WDR38: variants seen among roughly 807,000 people sequenced by gnomAD.
WDR38 encodes the protein WD repeat-containing protein 38.
A neutral mutation model predicts 36.6 loss-of-function variants in WDR38; 37 were observed. The ratio of observed to expected loss-of-function variants is 1.01; its 90% CI spans 0.78 to 1.33. WDR38 has a LOEUF of 1.33. WDR38 is among the 40% of genes most tolerant of loss of function. The probability of loss-of-function intolerance (pLI) is 0.00; values close to 1 mark genes in which losing one functional copy is unlikely to be tolerated. For synonymous variants in WDR38, 164 were observed against 168.1 expected, an observed-to-expected ratio of 0.98 and a Z score of 0.19; for missense variants, 411 against 414.6, an observed-to-expected ratio of 0.99 and a Z score of 0.07.
At chr9:124,855,308 G>A (rs1236620450) in intron 2 of WDR38, among the ~76,000 whole-genome samples, 1 of 152,212 alleles carries the variant, frequency 6.6e-6, no homozygotes, top group Non-Finnish European at 1.5e-5. Flanking sequence ...GGCAATTACA[G>A]GCAGTCTGGT....
rs1829047650 is a variant in WDR38 at position 124,855,928 on chromosome 9, G to A, written c.375G>A (p.Trp125Ter). ...PDSRQLASGG[W>*]DKRVMLWDVQ... ...CGAGACAGCTGGCATCAGGTGGCTG[G>A]GACAAGCGGGTGATGCTCTGGGATG... The change falls in exon 4 of 9, where the codon TGG becomes TGA. Residue 125 changes from tryptophan (W) to a stop codon, truncating the protein, a stop_gained. Coordinates refer to ENST00000373574, the MANE Select transcript of WDR38 (RefSeq NM_001045476.3). LOFTEE classifies it high-confidence loss of function. 3.7e-6 allele frequency: 6 copies of A among 1,614,102 alleles called. No individual in the cohort carries two copies. The highest frequency in any genetic ancestry group is 5.1e-6 in the Non-Finnish European group (6 of 1,179,930).
At position 124,855,692 on chromosome 9, in the gene WDR38, T is replaced by C; in HGVS notation, c.249T>C (p.Cys83=). The change falls in exon 3 of 9, where the codon TGT becomes TGC. Residue 83 remains cysteine (C), a synonymous_variant. Coordinates refer to ENST00000373574, the MANE Select transcript of WDR38 (RefSeq NM_001045476.3). The part of the protein sequence containing the change: ...PDGHLFASAS[C]DCTVRLWDVA... ...GCCACCTCTTCGCCAGCGCCTCCTG[T>C]GACTGCACTGTCCGCCTGTGGGATG... 3 of 1,613,342 alleles carry C rather than the reference T, an allele frequency of 1.9e-6. No homozygotes were observed. The highest frequency in any genetic ancestry group is 2.5e-6 in the Non-Finnish European group (3 of 1,180,032).
At position 124,855,691 on chromosome 9, in the gene WDR38, G is replaced by A; in HGVS notation, c.248G>A (p.Cys83Tyr). ...GGCCACCTCTTCGCCAGCGCCTCCT[G>A]TGACTGCACTGTCCGCCTGTGGGAT... ...PDGHLFASASCDCTVRLWDVA... is the reference protein window; with the variant it reads ...PDGHLFASASYDCTVRLWDVA... The change falls in exon 3 of 9, where the codon TGT becomes TAT. Residue 83 changes from cysteine (C) to tyrosine (Y), a missense_variant. Coordinates refer to ENST00000373574, the MANE Select transcript of WDR38 (RefSeq NM_001045476.3). The A allele has an allele frequency of 1.2e-6, 2 of 1,613,294 alleles. No individual in the cohort carries two copies. The highest frequency in any genetic ancestry group is 4.5e-5 in the East Asian group (2 of 44,886).
rs944952 is a variant in WDR38 at position 124,857,643 on chromosome 9, T to C, written c.*13T>C. 1,578,501 of 1,613,616 alleles carry C rather than the reference T, an allele frequency of 0.98. 773,866 individuals are homozygous for C. The highest frequency in any genetic ancestry group is 1 in the Non-Finnish European group (1,174,713 of 1,180,008). Reference sequence around the variant, plus strand: ...CCCTCAAACCTAACACCAACCACCTTAGATGGTGCCGACCTCACCCGCTCC... The same window carrying C: ...CCCTCAAACCTAACACCAACCACCTCAGATGGTGCCGACCTCACCCGCTCC... On this transcript the variant is annotated 3_prime_UTR_variant, in exon 9 of 9. Transcript: ENST00000373574.
chr9:124,854,448 A>G, intron 2 of WDR38, 123 bp downstream of exon 2: 2 of 1,460,626 alleles, frequency 1.4e-6, no homozygotes, highest in Non-Finnish European at 1.9e-6. Flanking sequence ...AGGTTGGGAG[A>G]TGGGACGAGA....
At position 124,857,429 on chromosome 9, in the gene WDR38, G is replaced by A. The variant is rs747710816; in HGVS notation, c.816+18G>A. 1.2e-5 allele frequency: 20 copies of A among 1,614,036 alleles called. No individual in the cohort carries two copies. The African/African-American group carries it at 2.3e-4, about 18-fold the overall frequency. ...CCCTGAAGGTAAGGCACGGCGCTGT[G>A]GCACTGAGGAAGCTGTGGACAGCTT... is the stretch of plus-strand genomic sequence containing the variant. On this transcript the variant is annotated intron_variant, in intron 8 of 8. Transcript: ENST00000373574.
chr9:124,857,254 G>C, intron 7 of WDR38, 110 bp from the exon 8 acceptor site: 1 of 1,415,868 alleles, frequency 7.1e-7, no homozygotes, highest in South Asian at 1.2e-5. Flanking sequence ...CTGAGGTCAG[G>C]AGTTCAGGCG....
Position 124,855,853 on chromosome 9 carries a change from G to A in WDR38, c.308-8G>A, listed in dbSNP as rs772113089. The stretch of plus-strand genomic sequence containing the variant: ...CCACCTTCCCCGACCCCGGGCTGGT[G>A]CCTGCAGGTCACCAACGGAGTGTGG... On this transcript the variant is annotated splice_polypyrimidine_tract_variant and splice_region_variant and intron_variant, in intron 3 of 8. Transcript: ENST00000373574. 22 of 1,614,000 alleles carry A rather than the reference G, an allele frequency of 1.4e-5. No individual in the cohort carries two copies. The highest frequency in any genetic ancestry group is 1.9e-5 in the Non-Finnish European group (22 of 1,180,048).
intron 3 of WDR38, 53 bp from the exon 4 acceptor site, chr9:124,855,808 T>C: frequency 6.2e-7 from 1 of 1,613,652 alleles, no homozygotes. Context: ...TGGTGCTGTG[T>C]CCTGTGTCAC....
chr9:124,855,485 C>G (rs1372351194), intron 2 of WDR38, 149 bp from the exon 3 acceptor site: 1 of 791,122 alleles, frequency 1.3e-6, no homozygotes, highest in African/African-American at 1.7e-5. Context: ...CCAGCCCAGG[C>G]CAAGGCATGG....
rs546571014 is a variant in WDR38 at position 124,855,660 on chromosome 9, CCT to C, written c.218_219del (p.Pro73ArgfsTer11). On this transcript the variant is annotated frameshift_variant, in exon 3 of 9. Coordinates refer to ENST00000373574, the MANE Select transcript of WDR38 (RefSeq NM_001045476.3). LOFTEE classifies it high-confidence loss of function. The part of the protein sequence containing the change: ...TGPVKFCRFS[P>X]DGHLFASASC... The stretch of plus-strand genomic sequence containing the variant: ...CCCCGTGAAGTTCTGCCGCTTCTCC[CCT>C]GATGGCCACCTCTTCGCCAGCGCCT... 433 of 1,612,274 alleles carry C rather than the reference CCT, an allele frequency of 2.7e-4. 1 individual carries two copies. In the African/African-American group the frequency reaches 2.7e-3, roughly 10 times the overall value.
chr9:124,857,421 G>T lies in WDR38; in HGVS notation c.816+10G>T. The T allele has an allele frequency of 1.2e-6, 2 of 1,614,118 alleles. No individual in the cohort carries two copies. Among genetic ancestry groups the T allele is most frequent in the Non-Finnish European group, 8.5e-7 (1 of 1,180,028 alleles). On this transcript the variant is annotated intron_variant, in intron 8 of 8. Transcript: ENST00000373574. ...CCTTGAGACCCTGAAGGTAAGGCAC[G>T]GCGCTGTGGCACTGAGGAAGCTGTG...
chr9:124,854,300 G>A lies in WDR38; in HGVS notation c.165G>A (p.Leu55=), dbSNP rs1447142936. The A allele has an allele frequency of 3.1e-6, 5 of 1,613,872 alleles. No individual in the cohort carries two copies. In the Admixed American group the frequency reaches 6.7e-5, roughly 22 times the overall value. The change falls in exon 2 of 9, where the codon CTG becomes CTA. Residue 55 remains leucine (L), a synonymous_variant. Transcript: ENST00000373574. ...GCTGGGAGACCCGGAGTGGGCAGCT[G>A]CTGTGGAGGCTGGGTGGCCACACAG... ...VYGWETRSGQ[L]LWRLGGHTGP...
At position 124,856,599 on chromosome 9, in the gene WDR38, TG is replaced by T; in HGVS notation, c.618+1del. On this transcript the variant is annotated frameshift_variant and splice_region_variant, in exon 6 of 9. Transcript: ENST00000373574. LOFTEE classifies it high-confidence loss of function. ...SCLCYSASGL[L>X]ASGSWDKTIH... is the part of the protein sequence containing the mutation. ...CTGTGCTATTCAGCATCCGGCCTCC[TG>T]GTAAGTGGGGTGTCCTGGGTTCCAG... 3 of 1,613,792 alleles carry T rather than the reference TG, an allele frequency of 1.9e-6. No individual in the cohort carries two copies. The highest frequency in any genetic ancestry group is 1.7e-6 in the Non-Finnish European group (2 of 1,179,896).
At position 124,857,584 on chromosome 9, in the gene WDR38, G is replaced by A. The variant is rs765540379; in HGVS notation, c.899G>A (p.Arg300His). The A allele has an allele frequency of 1.2e-5, 20 of 1,614,026 alleles. No individual in the cohort carries two copies. The highest frequency in any genetic ancestry group is 5.3e-5 in the African/African-American group (4 of 74,898). The change falls in exon 9 of 9, where the codon CGT (arginine) becomes CAT (histidine). Residue 300 changes from arginine to histidine, a missense_variant. Coordinates refer to ENST00000373574, the MANE Select transcript of WDR38 (RefSeq NM_001045476.3). ...TCTGGAGCTGCCGATCAGACTAGAC[G>A]TCAAATATCCCGCACGTCCAAATCA... ...LVSGAADQTR[R>H]QISRTSKSPR...
chr9:124,856,107 ACAG>A, intron 4 of WDR38, 130 bp from the exon 5 acceptor site: 1 of 1,515,372 alleles, frequency 6.6e-7, no homozygotes, highest in Non-Finnish European at 9.0e-7. Flanking sequence ...CCACCTGGCC[ACAG>A]CCGCCTCTCC....
Position 124,857,345 on chromosome 9 carries a change from T to A in WDR38, c.769-19T>A. 6.8e-7 allele frequency: 1 copy of A among 1,474,890 alleles called. No individual in the cohort carries two copies. The highest frequency in any genetic ancestry group is 1.2e-5 in the South Asian group (1 of 86,688). The allele number at this position is 1,474,890 out of a possible 1,614,324, so 91.4% of individuals were successfully genotyped here. On this transcript the variant is annotated intron_variant, in intron 7 of 8. Transcript: ENST00000373574. Reference sequence around the variant, plus strand: ...AGTGGCCTGGTGAGGCTTCCTGACATGCCCCCCTCCTTTTCCAGGTCAAAG... The same window carrying A: ...AGTGGCCTGGTGAGGCTTCCTGACAAGCCCCCCTCCTTTTCCAGGTCAAAG...
At chr9:124,854,431 G>T in intron 2 of WDR38, 106 bp downstream of exon 2, 1 of 1,557,432 alleles carries the variant, frequency 6.4e-7, no homozygotes, top group Non-Finnish European at 8.7e-7. Flanking sequence ...GCAAGGCAGG[G>T]CTGGGCAGGT....
chr9:124,857,379 T>C lies in WDR38; in HGVS notation c.784T>C (p.Cys262Arg), dbSNP rs753027890. ...GYSRMVKVWD[C>R]NTGKCLETLK... ...CCTTTTCCAGGTCAAAGTCTGGGAC[T>C]GCAACACAGGAAAGTGCCTTGAGAC... The change falls in exon 8 of 9, where the codon TGC becomes CGC. Residue 262 changes from cysteine to arginine, a missense_variant. Coordinates refer to ENST00000373574, the MANE Select transcript of WDR38 (RefSeq NM_001045476.3). The C allele has an allele frequency of 1.2e-6, 2 of 1,614,118 alleles. No homozygotes were observed. The highest frequency in any genetic ancestry group is 1.1e-5 in the South Asian group (1 of 91,080).
Sources: allele counts gnomAD v4.1 joint callset (sites outside exome capture counted in the v4.1 genomes callset), GRCh38; gene constraint gnomAD v4.1.1; transcripts MANE v1.5; gene names NCBI Gene and HGNC (gene_info 2026-07-23, HGNC 2026-07-21).